CORO2A: variants seen among roughly 807,000 people sequenced by gnomAD.
The protein encoded by CORO2A is coronin-2A.
A neutral mutation model predicts 62.4 loss-of-function variants in CORO2A; 47 were observed. That is an observed-to-expected ratio of 0.75 (90% CI 0.60 to 0.96). The LOEUF is 0.96. Among genes scored for constraint, CORO2A ranks in the 40% least tolerant of loss-of-function variants. The pLI is 0.00. For missense variants in CORO2A, 610 were observed against 684.1 expected, an observed-to-expected ratio of 0.89 and a Z score of 1.21; for synonymous variants, 273 against 268.9, an observed-to-expected ratio of 1.02 and a Z score of -0.15.
At chr9:98,169,204 GC>G (rs1828001029) in intron 1 of CORO2A, among the ~76,000 whole-genome samples, 1 of 151,662 alleles carries the variant, frequency 6.6e-6, no homozygotes, top group Non-Finnish European at 1.5e-5. Context: ...CGCCTTCCCC[GC>G]CCCCGCGCCG....
At chr9:98,160,984 G>T (rs1328962977) in intron 1 of CORO2A, among the ~76,000 whole-genome samples, 1 of 152,206 alleles carries the variant, frequency 6.6e-6, no homozygotes, top group East Asian at 1.9e-4. Context: ...CATCTATAAG[G>T]TAGTTGGTCC....
chr9:98,159,219 T>C (rs769683654), intron 1 of CORO2A, among the ~76,000 whole-genome samples: 2 of 152,242 alleles, frequency 1.3e-5, no homozygotes, highest in East Asian at 1.9e-4. Flanking sequence ...CCACCATACC[T>C]GGCTAATTAA....
At chr9:98,190,118 C>T (rs1828288710) in intron 1 of CORO2A, among the ~76,000 whole-genome samples, 1 of 152,198 alleles carries the variant, frequency 6.6e-6, no homozygotes, top group Non-Finnish European at 1.5e-5. Flanking sequence ...CTCTAGACCT[C>T]AGGTGATCCG....
chr9:98,130,694 A>G (rs1211865814), intron 7 of CORO2A, among the ~76,000 whole-genome samples: 1 of 152,192 alleles, frequency 6.6e-6, no homozygotes, highest in African/African-American at 2.4e-5. Context: ...CCAGTTTAGC[A>G]GGTGCCCCTG....
chr9:98,134,927 A>G lies in CORO2A; in HGVS notation c.347T>C (p.Leu116Pro). The change falls in exon 4 of 12, where the codon CTG becomes CCG. Residue 116 changes from leucine to proline, a missense_variant. Physicochemically the swap from Leu to Pro is moderately conservative, Grantham distance 98. Transcript: ENST00000375077. The stretch of plus-strand genomic sequence containing the variant: ...GTAGGCCGTGAGGTTCCTGGTCAGC[A>G]GCTGCTTGGGGATGCTCCAGATCTT... ...TIKIWSIPKQ[L>P]LTRNLTAYRK... The G allele has an allele frequency of 6.2e-7, 1 of 1,614,138 alleles. No homozygotes were observed. The highest frequency in any genetic ancestry group is 1.3e-5 in the African/African-American group (1 of 75,034).
chr9:98,185,442 A>G lies in CORO2A; in HGVS notation c.-1+7117T>C, dbSNP rs551752498. Among the ~76,000 whole-genome samples the G allele has an allele frequency of 7.2e-5, 11 of 152,360 alleles. No homozygotes were observed. The East Asian group carries it at 1.5e-3, about 21-fold the overall frequency. On this transcript the variant is annotated intron_variant, in intron 1 of 11. Coordinates refer to ENST00000375077, the MANE Select transcript of CORO2A (RefSeq NM_052820.4). ...AAGGGTCAAGACTTGCCTAAGGAGCATATCAGCAGCGGGGTCAGCTCTCCT... is the reference window on the plus strand; with the variant it reads ...AAGGGTCAAGACTTGCCTAAGGAGCGTATCAGCAGCGGGGTCAGCTCTCCT...
chr9:98,179,124 C>T (rs530417691), intron 1 of CORO2A, among the ~76,000 whole-genome samples: 2 of 152,178 alleles, frequency 1.3e-5, no homozygotes, highest in African/African-American at 2.4e-5. Context: ...TAAAATGGAA[C>T]GAATCAAACC....
intron 1 of CORO2A, among the ~76,000 whole-genome samples, chr9:98,190,854 T>A (rs1828297581): frequency 6.6e-6 from 1 of 152,224 alleles, no homozygotes; most frequent in Non-Finnish European, 1.5e-5. Context: ...ATACTTTGCC[T>A]GCTTTTACGA....
chr9:98,162,400 A>C (rs945077113), intron 1 of CORO2A, among the ~76,000 whole-genome samples: 6 of 152,196 alleles, frequency 3.9e-5, no homozygotes, highest in Non-Finnish European at 8.8e-5. Context: ...TTCCCCACGG[A>C]TGAAGCCAGC....
chr9:98,153,649 AACACACACACACACACACACACAC>A (rs55685018), intron 2 of CORO2A, among the ~76,000 whole-genome samples: 2 of 133,892 alleles, frequency 1.5e-5, no homozygotes, highest in South Asian at 2.6e-4. Flanking sequence ...TCTGTTTCCA[AACACACACACACACACACACACAC>A]ACACACACAC....
chr9:98,133,885 C>T (rs1587993265), intron 4 of CORO2A, among the ~76,000 whole-genome samples: 1 of 151,684 alleles, frequency 6.6e-6, no homozygotes, highest in Non-Finnish European at 1.5e-5. Context: ...TCCTGAGTAG[C>T]TGGGACTACT....
Position 98,123,278 on chromosome 9 carries a change from C to G in CORO2A, c.*1496G>C, listed in dbSNP as rs1447030862. On this transcript the variant is annotated 3_prime_UTR_variant, in exon 12 of 12. Coordinates refer to ENST00000375077, the MANE Select transcript of CORO2A (RefSeq NM_052820.4). ...CCCAGCCCTGCCATGAAACAAATAT[C>G]ACTTGCCTCTCTCTAGGCCTTAGTT... 1 of 152,248 alleles carries G rather than the reference C, an allele frequency of 6.6e-6. No homozygotes were observed. Among genetic ancestry groups the G allele is most frequent in the Non-Finnish European group, 1.5e-5 (1 of 68,058 alleles). The allele number at this position is 152,248 out of a possible 1,614,324, so 9.4% of individuals were successfully genotyped here. A position where few individuals can be genotyped will look rare whatever the true frequency, so the allele number is the denominator to read the frequency against.
intron 2 of CORO2A, among the ~76,000 whole-genome samples, chr9:98,143,681 A>G (rs1390690690): frequency 6.6e-6 from 1 of 152,198 alleles, no homozygotes; most frequent in Non-Finnish European, 1.5e-5. Context: ...GAAGCTCATC[A>G]CAGCTCATTA....
chr9:98,124,939 T>C lies in CORO2A; in HGVS notation c.1447-34A>G, dbSNP rs1319619776. 5 of 1,551,044 alleles carry C rather than the reference T, an allele frequency of 3.2e-6. No individual in the cohort carries two copies. In the South Asian group the frequency reaches 4.8e-5, roughly 15 times the overall value. On this transcript the variant is annotated intron_variant, in intron 11 of 11. Coordinates refer to ENST00000375077, the MANE Select transcript of CORO2A (RefSeq NM_052820.4). ...GAAAGATCGGAAGGCAGGATCACCA[T>C]GGTGTCAGGACACCAGCTGAAAGCT...
rs1200059744 is a variant in CORO2A, at chr9:98,122,001, C to G, written c.*2773G>C. ...TAAGACAAGGAACACGAGCATCCGG[C>G]CTGTGCAGACATACAAGCAGAATAA... On this transcript the variant is annotated 3_prime_UTR_variant, in exon 12 of 12. Coordinates refer to ENST00000375077, the MANE Select transcript of CORO2A (RefSeq NM_052820.4). 6.6e-6 allele frequency: 1 copy of G among 152,014 alleles called. No individual in the cohort carries two copies. Among genetic ancestry groups the G allele is most frequent in the African/African-American group, 2.4e-5 (1 of 41,358 alleles). The allele number at this position is 152,014 out of a possible 1,614,324, so 9.4% of individuals were successfully genotyped here.
rs555918075 is a variant in CORO2A at position 98,169,523 on chromosome 9, C to G, written c.1-11863G>C. Among the ~76,000 whole-genome samples, 6 of 152,190 alleles carry G rather than the reference C, an allele frequency of 3.9e-5. No homozygotes were observed. The East Asian group carries it at 7.8e-4, about 20-fold the overall frequency. On this transcript the variant is annotated intron_variant, in intron 1 of 11. Coordinates refer to ENST00000375077, the MANE Select transcript of CORO2A (RefSeq NM_052820.4). Reference sequence around the variant, plus strand: ...GGCCTCGCATATTCCACCCCCAACTCTGGCCCTGCACTTTCCCTTAAAATG... The same window carrying G: ...GGCCTCGCATATTCCACCCCCAACTGTGGCCCTGCACTTTCCCTTAAAATG...
At chr9:98,162,798 T>A (rs1034326124) in intron 1 of CORO2A, among the ~76,000 whole-genome samples, 1 of 152,224 alleles carries the variant, frequency 6.6e-6, no homozygotes, top group South Asian at 2.1e-4. Context: ...TATCCGTGCA[T>A]GCATGACTTT....
intron 2 of CORO2A, among the ~76,000 whole-genome samples, chr9:98,149,315 A>C (rs1384336506): frequency 1.3e-5 from 2 of 152,218 alleles, no homozygotes; most frequent in Admixed American, 6.6e-5. Flanking sequence ...TTGGAGATGC[A>C]GATTCCCTGG....
chr9:98,144,420 C>T (rs916520088), intron 2 of CORO2A, among the ~76,000 whole-genome samples: 1 of 152,114 alleles, frequency 6.6e-6, no homozygotes, highest in Non-Finnish European at 1.5e-5. Context: ...CTCTTATGGC[C>T]TGGTCTGCTC....
Sources: gnomAD v4.1 joint callset for allele counts (sites outside exome capture counted in the v4.1 genomes callset) on GRCh38, gnomAD v4.1.1 for gene constraint, MANE v1.5 for transcripts, NCBI Gene and HGNC (gene_info 2026-07-23, HGNC 2026-07-21) for gene names.